SMOX: variants seen among roughly 807,000 people sequenced by gnomAD.
SMOX encodes flavin containing amine oxidase.
Under a neutral mutation model 51.0 loss-of-function variants are expected in SMOX, and 22 were observed. That is an observed-to-expected ratio of 0.43 (90% CI 0.31 to 0.62). The LOEUF is 0.62. Among genes scored for constraint, SMOX ranks in the 20% least tolerant of loss-of-function variants. The pLI is 0.10. For synonymous variants in SMOX, 282 were observed against 307.8 expected, an observed-to-expected ratio of 0.92 and a Z score of 0.88; for missense variants, 566 against 777.7, an observed-to-expected ratio of 0.73 and a Z score of 3.24.
Position 4,183,506 on chromosome 20 carries a change from T to C in SMOX, c.1382T>C (p.Ile461Thr). The stretch of plus-strand genomic sequence containing the variant: ...GACTCTCCATCAGGGAACCCCAACA[T>C]TCCAAAACCTCGGCGAATCTTGCGC... ...MLRQFTGNPN[I>T]PKPRRILRSA... The change falls in exon 6 of 7, where the codon ATT (isoleucine) becomes ACT (threonine). Residue 461 changes from isoleucine to threonine, a missense_variant. Ile to Thr is a moderately conservative substitution (Grantham distance 89). Coordinates refer to ENST00000305958, the MANE Select transcript of SMOX (RefSeq NM_175839.3). The surrounding 1 kb of genome is among the most constrained non-coding windows in gnomAD (Gnocchi z 4.3). 3 of 1,614,152 alleles carry C rather than the reference T, an allele frequency of 1.9e-6. No individual in the cohort carries two copies. Among genetic ancestry groups the C allele is most frequent in the Non-Finnish European group, 2.5e-6 (3 of 1,180,016 alleles).
intron 1 of SMOX, among the ~76,000 whole-genome samples, chr20:4,154,400 G>A (rs112746948): frequency 0.03 from 3,398 of 113,238 alleles, 66 homozygotes; most frequent in Admixed American, 0.038. Context: ...TTTTGAGACG[G>A]AGTCTTGCTC....
At chr20:4,150,841 TTTTC>T (rs1186742973) in intron 1 of SMOX, among the ~76,000 whole-genome samples, 26 of 130,076 alleles carry the variant, frequency 2.0e-4, no homozygotes, top group Middle Eastern at 3.8e-3. Context: ...TTTTTTTTTT[TTTTC>T]TTTGAGACGG....
intron 1 of SMOX, among the ~76,000 whole-genome samples, chr20:4,169,462 G>A (rs1020635707): frequency 9.9e-5 from 15 of 152,162 alleles, no homozygotes; most frequent in Admixed American, 6.5e-4. Flanking sequence ...GGGCTTCAAT[G>A]TTAAAGAAAG....
chr20:4,184,593 T>C (rs1979597734), intron 6 of SMOX, among the ~76,000 whole-genome samples: 1 of 72,616 alleles, frequency 1.4e-5, no homozygotes, highest in Non-Finnish European at 2.8e-5. Context: ...ATGTTAAAAC[T>C]CAACAGTTAT....
chr20:4,187,442 C>T lies in SMOX; in HGVS notation c.*35C>T, dbSNP rs549743569. 182 of 1,603,452 alleles carry T rather than the reference C, an allele frequency of 1.1e-4. 1 individual carries two copies. In the South Asian group the frequency reaches 1.4e-3, roughly 13 times the overall value. ...TCGCTGCTGAGAAGAGCCACTAACTCGTGACCTCCAGCCTGCCCCTTGCTG... is the reference window on the plus strand; with the variant it reads ...TCGCTGCTGAGAAGAGCCACTAACTTGTGACCTCCAGCCTGCCCCTTGCTG... On this transcript the variant is annotated 3_prime_UTR_variant, in exon 7 of 7. Transcript: ENST00000305958. This position sits in a 1 kb window ranked among gnomAD's most constrained non-coding sequence, Gnocchi z 4.8.
chr20:4,156,086 G>A (rs1986010270), intron 1 of SMOX, among the ~76,000 whole-genome samples: 1 of 152,150 alleles, frequency 6.6e-6, no homozygotes, highest in Admixed American at 6.5e-5. Flanking sequence ...GACAAATAAG[G>A]GTAGAAACTG....
In SMOX at chr20:4,161,332, G is replaced by A. The variant is rs1009717976; in HGVS notation, c.-27+12355G>A. Among the ~76,000 whole-genome samples the A allele has an allele frequency of 7.9e-5, 12 of 152,290 alleles. No homozygotes were observed. In the East Asian group the frequency reaches 9.7e-4, roughly 12 times the overall value. On this transcript the variant is annotated intron_variant, in intron 1 of 6. Coordinates refer to ENST00000305958, the MANE Select transcript of SMOX (RefSeq NM_175839.3). ...TGTGCCTGGCCCTGTGATGGCAGGC[G>A]GCTTGGAGAAGCTCTCCCAACCCTG...
rs1330646776 is a variant in SMOX, at chr20:4,167,538, C to T, written c.-26-7492C>T. 6.6e-6 allele frequency among the ~76,000 whole-genome samples: 1 copy of T among 152,126 alleles called. No individual in the cohort carries two copies. The highest frequency in any genetic ancestry group is 2.4e-5 in the African/African-American group (1 of 41,428). On this transcript the variant is annotated intron_variant, in intron 1 of 6. Coordinates refer to ENST00000305958, the MANE Select transcript of SMOX (RefSeq NM_175839.3). The surrounding 1 kb of genome is among the most constrained non-coding windows in gnomAD (Gnocchi z 4.8). ...ATCAGATAGGGCTTGGACAAGTGTGCCCAGGTAGTGGGGTACAGAGGGTGC... is the reference window on the plus strand; with the variant it reads ...ATCAGATAGGGCTTGGACAAGTGTGTCCAGGTAGTGGGGTACAGAGGGTGC...
chr20:4,162,986 C>A (rs1019528795), intron 1 of SMOX, among the ~76,000 whole-genome samples: 1 of 152,182 alleles, frequency 6.6e-6, no homozygotes, highest in Non-Finnish European at 1.5e-5. Context: ...CTTTGTATGC[C>A]TGGAGAGCAG....
intron 6 of SMOX, among the ~76,000 whole-genome samples, chr20:4,184,338 T>G (rs1250714571): frequency 6.6e-6 from 1 of 152,080 alleles, no homozygotes; most frequent in Non-Finnish European, 1.5e-5. Context: ...TAGTCACATT[T>G]CAAGTTCAAC....
rs1244861942 is a variant in SMOX at position 4,153,439 on chromosome 20, A to G, written c.-27+4462A>G. Among the ~76,000 whole-genome samples the G allele has an allele frequency of 6.6e-6, 1 of 152,152 alleles. No individual in the cohort carries two copies. Among genetic ancestry groups the G allele is most frequent in the East Asian group, 1.9e-4 (1 of 5,188 alleles). On this transcript the variant is annotated intron_variant, in intron 1 of 6. Coordinates refer to ENST00000305958, the MANE Select transcript of SMOX (RefSeq NM_175839.3). This position sits in a 1 kb window ranked among gnomAD's most constrained non-coding sequence, Gnocchi z 4.4. ...GGATGCCAGGCTGAGGAACTGGGCCAGGAAGGAGGGAGGAGGGTGTGTCAG... is the reference window on the plus strand; with the variant it reads ...GGATGCCAGGCTGAGGAACTGGGCCGGGAAGGAGGGAGGAGGGTGTGTCAG...
rs756310187 is a variant in SMOX, at chr20:4,182,145, C to T, written c.666C>T (p.Phe222=). ...TGGACGAGGTGTCCCTGAGCGCCTT[C>T]GGGGAGTGGACCGAGATCCCCGGCG... ...HSMDEVSLSA[F]GEWTEIPGAH... is the part of the protein sequence containing the mutation. Residue 222 remains phenylalanine (F), a synonymous_variant, in exon 5 of 7, where the codon TTC becomes TTT. Transcript: ENST00000305958. This position sits in a 1 kb window ranked among gnomAD's most constrained non-coding sequence, Gnocchi z 8.4. 29 of 1,611,876 alleles carry T rather than the reference C, an allele frequency of 1.8e-5. No homozygotes were observed. Among genetic ancestry groups the T allele is most frequent in the Non-Finnish European group, 2.2e-5 (26 of 1,179,178 alleles).
At chr20:4,165,216 T>C (rs10854262) in intron 1 of SMOX, among the ~76,000 whole-genome samples, 68,420 of 151,706 alleles carry the variant, frequency 0.45, 17,031 homozygotes, top group Non-Finnish European at 0.55. Flanking sequence ...CCACCACACC[T>C]GGCTAATTTT....
At chr20:4,158,124 T>G (rs903440405) in intron 1 of SMOX, among the ~76,000 whole-genome samples, 3 of 150,598 alleles carry the variant, frequency 2.0e-5, no homozygotes, top group Non-Finnish European at 4.4e-5. Context: ...ATGGTCTCGA[T>G]CTCCTGACCT....
At chr20:4,176,338 C>T (rs1034670924) in intron 2 of SMOX, among the ~76,000 whole-genome samples, 2 of 152,104 alleles carry the variant, frequency 1.3e-5, no homozygotes, top group Non-Finnish European at 2.9e-5. Context: ...GCAAGGCATA[C>T]CTAAAGTTGT....
At position 4,182,005 on chromosome 20, in the gene SMOX, C is replaced by T. The variant is rs866177841; in HGVS notation, c.609+29C>T. On this transcript the variant is annotated intron_variant, in intron 4 of 6. Coordinates refer to ENST00000305958, the MANE Select transcript of SMOX (RefSeq NM_175839.3). This position sits in a 1 kb window ranked among gnomAD's most constrained non-coding sequence, Gnocchi z 8.4. ...TCTTGAGGAAGACGGATTCTGGGGG[C>T]GTCTGGGTCTGAGGAGGGCTACGCT... 39 of 1,610,630 alleles carry T rather than the reference C, an allele frequency of 2.4e-5. No homozygotes were observed. Among genetic ancestry groups the T allele is most frequent in the Middle Eastern group, 3.3e-4 (2 of 6,060 alleles).
At chr20:4,179,028 C>T (rs1404462834) in intron 3 of SMOX, among the ~76,000 whole-genome samples, 1 of 152,202 alleles carries the variant, frequency 6.6e-6, no homozygotes, top group South Asian at 2.1e-4. Flanking sequence ...GGAGACATGA[C>T]CCTTGCTTTG....
intron 1 of SMOX, among the ~76,000 whole-genome samples, chr20:4,168,560 CTT>C (rs543089733): frequency 1.5e-4 from 21 of 144,712 alleles, no homozygotes; most frequent in African/African-American, 2.3e-4. Context: ...CTCTCTCTCT[CTT>C]TTTTTTTTTT....
intron 1 of SMOX, among the ~76,000 whole-genome samples, chr20:4,155,771 G>A (rs1985993535): frequency 6.6e-6 from 1 of 152,032 alleles, no homozygotes; most frequent in East Asian, 1.9e-4. Flanking sequence ...ACACTGGTGG[G>A]TTGAGTCCCC....
Sources: allele counts gnomAD v4.1 joint callset (sites outside exome capture counted in the v4.1 genomes callset), GRCh38; gene constraint gnomAD v4.1.1; non-coding constraint Gnocchi (gnomAD v3.1); transcripts MANE v1.5; gene names NCBI Gene and HGNC (gene_info 2026-07-23, HGNC 2026-07-21).